The following SELENOI variants were observed in gnomAD, a reference collection of about 807,000 sequenced individuals.
SELENOI encodes the protein selenoprotein I.
SELENOI carries 24 observed loss-of-function variants against 50.7 expected under a neutral mutation model. That is an observed-to-expected ratio of 0.47 (90% confidence interval 0.34 to 0.67). The LOEUF (loss-of-function observed/expected upper bound fraction) is 0.67. Among genes scored for constraint, SELENOI ranks in the 30% least tolerant of loss-of-function variants. SELENOI has a pLI of 0.01. For synonymous variants in SELENOI, 155 were observed against 170.2 expected (o/e 0.91, Z 0.70); for missense variants, 352 against 461.4 (o/e 0.76, Z 2.17).
At chr2:26,375,366 G>A (rs904294973) in intron 6 of SELENOI, among the ~76,000 whole-genome samples, 1 of 152,094 alleles carries the variant, frequency 6.6e-6, no homozygotes, top group African/African-American at 2.4e-5. Flanking sequence ...TCTAATCAGA[G>A]GGAAATACCA....
intron 4 of SELENOI, among the ~76,000 whole-genome samples, chr2:26,371,174 C>CCCGGACGGGGTGGCTG (rs1349226726): frequency 6.8e-6 from 1 of 147,522 alleles, no homozygotes; most frequent in Admixed American, 6.7e-5. Flanking sequence ...CCACCTCCCT[C>CCCGGACGGGGTGGCTG]CCGGACGGGG....
intron 9 of SELENOI, among the ~76,000 whole-genome samples, chr2:26,387,274 C>T (rs1677862490): frequency 1.3e-5 from 2 of 152,054 alleles, no homozygotes; most frequent in African/African-American, 4.8e-5. Context: ...ACATTCTTTT[C>T]TAATTATTTT....
At chr2:26,348,683 A>G (rs943239457) in intron 1 of SELENOI, among the ~76,000 whole-genome samples, 1 of 143,410 alleles carries the variant, frequency 7.0e-6, no homozygotes, top group Non-Finnish European at 1.5e-5. Flanking sequence ...GGCAGGCCCT[A>G]TGGCTGACTT....
At chr2:26,355,709 G>A (rs565453270) in intron 1 of SELENOI, among the ~76,000 whole-genome samples, 1 of 150,090 alleles carries the variant, frequency 6.7e-6, no homozygotes, top group South Asian at 2.1e-4. Context: ...CATGTTCTCT[G>A]TGGGCGTAGT....
chr2:26,383,207 TG>T, intron 6 of SELENOI, 91 bp from the exon 7 acceptor site: 1 of 767,498 alleles, frequency 1.3e-6, no homozygotes, highest in Non-Finnish European at 2.0e-6. Context: ...CTGAAATTTT[TG>T]GGGTCTAAAA....
chr2:26,370,744 A>G (rs1574757556), intron 4 of SELENOI, among the ~76,000 whole-genome samples: 1 of 108,574 alleles, frequency 9.2e-6, no homozygotes, highest in African/African-American at 3.7e-5. Context: ...CGGGGGGCTG[A>G]CCCCCCCACC....
intron 1 of SELENOI, among the ~76,000 whole-genome samples, chr2:26,358,017 A>G (rs949959784): frequency 6.6e-6 from 1 of 152,198 alleles, no homozygotes; most frequent in Non-Finnish European, 1.5e-5. Flanking sequence ...CCTGTCGCCA[A>G]GTAAGACATG....
intron 1 of SELENOI, among the ~76,000 whole-genome samples, chr2:26,354,490 T>C (rs1269081352): frequency 3.3e-5 from 5 of 152,102 alleles, no homozygotes; most frequent in East Asian, 3.8e-4. Context: ...GGGTTCACGC[T>C]ATTCTCCTTC....
Position 26,384,126 on chromosome 2 carries a change from C to A in SELENOI, c.731+779C>A, listed in dbSNP as rs76139482. On this transcript the variant is annotated intron_variant, in intron 7 of 9. Coordinates refer to ENST00000260585, the MANE Select transcript of SELENOI (RefSeq NM_033505.4). ...TCTTTCCCTTCTTAGTAATTTTACTCCCACTGCTTCCTTTGCTCCTTTTTC... is the reference window on the plus strand; with the variant it reads ...TCTTTCCCTTCTTAGTAATTTTACTACCACTGCTTCCTTTGCTCCTTTTTC... 5.4e-3 allele frequency among the ~76,000 whole-genome samples: 825 copies of A among 152,352 alleles called. 4 individuals are homozygous for A. The highest frequency in any genetic ancestry group is 8.6e-3 in the Non-Finnish European group (586 of 68,030).
intron 1 of SELENOI, among the ~76,000 whole-genome samples, chr2:26,347,115 G>T (rs1574744729): frequency 6.6e-6 from 1 of 152,224 alleles, no homozygotes; most frequent in South Asian, 2.1e-4. Context: ...TAACCATCCA[G>T]TCGACCAAGC....
intron 1 of SELENOI, among the ~76,000 whole-genome samples, chr2:26,363,040 T>C (rs1042547232): frequency 6.6e-6 from 1 of 152,210 alleles, no homozygotes; most frequent in African/African-American, 2.4e-5. Context: ...TACATTCTTA[T>C]TAAATAGCTC....
At chr2:26,369,177 C>T (rs1456546394) in intron 4 of SELENOI, among the ~76,000 whole-genome samples, 1 of 152,154 alleles carries the variant, frequency 6.6e-6, no homozygotes, top group Non-Finnish European at 1.5e-5. Flanking sequence ...TGAAGGTATT[C>T]TACTGTGCTT....
intron 1 of SELENOI, among the ~76,000 whole-genome samples, chr2:26,352,294 A>G (rs530226428): frequency 2.6e-5 from 4 of 152,204 alleles, no homozygotes; most frequent in African/African-American, 9.6e-5. Flanking sequence ...ATGGAGAGAG[A>G]TAGAGGTGCT....
At chr2:26,355,274 G>T (rs1251542862) in intron 1 of SELENOI, among the ~76,000 whole-genome samples, 2 of 152,218 alleles carry the variant, frequency 1.3e-5, no homozygotes. Flanking sequence ...GTGAAGGGTG[G>T]CAACGTAATG....
chr2:26,363,797 T>A (rs1300775422), intron 1 of SELENOI, among the ~76,000 whole-genome samples: 3 of 152,170 alleles, frequency 2.0e-5, no homozygotes, highest in Non-Finnish European at 4.4e-5. Context: ...GACTCAGTCT[T>A]GCTTTGTCGC....
At chr2:26,362,083 GGTTGACTCTTTGCTAAAAGA>G (rs1447713038) in intron 1 of SELENOI, among the ~76,000 whole-genome samples, 2 of 152,080 alleles carry the variant, frequency 1.3e-5, no homozygotes, top group Non-Finnish European at 2.9e-5. Flanking sequence ...TTGGCTTATT[GGTTGACTCTTTGCTAAAAGA>G]GTTGACTCTT....
intron 1 of SELENOI, among the ~76,000 whole-genome samples, chr2:26,357,994 C>T (rs189643799): frequency 4.5e-4 from 69 of 152,332 alleles, no homozygotes; most frequent in East Asian, 3.9e-3. Flanking sequence ...TTGCTTGGCT[C>T]TCATTCTCTT....
In SELENOI at chr2:26,394,707, C is replaced by T. The variant is rs1678048988; in HGVS notation, c.*5604C>T. On this transcript the variant is annotated 3_prime_UTR_variant, in exon 10 of 10. Transcript: ENST00000260585. The surrounding 1 kb of genome is among the most constrained non-coding windows in gnomAD (Gnocchi z 4.1). ...GGGAAAGGCAATGAATGATTGCCAA[C>T]ATGTAAACTCCCTGCTGCCCGCCTT... The T allele has an allele frequency of 6.6e-6, 1 of 151,856 alleles. No individual in the cohort carries two copies. Among genetic ancestry groups the T allele is most frequent in the Admixed American group, 6.6e-5 (1 of 15,244 alleles). 9.4% of individuals were successfully genotyped at this position (151,856 alleles called of 1,614,324 possible).
chr2:26,368,632 A>G (rs750179053), intron 4 of SELENOI, among the ~76,000 whole-genome samples: 1 of 152,192 alleles, frequency 6.6e-6, no homozygotes. Flanking sequence ...CTCTGATAAT[A>G]TATGATATAT....
Sources: gnomAD v4.1 joint callset for allele counts (sites outside exome capture counted in the v4.1 genomes callset) on GRCh38, gnomAD v4.1.1 for gene constraint, Gnocchi (gnomAD v3.1) non-coding constraint, MANE v1.5 for transcripts, NCBI Gene and HGNC (gene_info 2026-07-23, HGNC 2026-07-21) for gene names.